Variants in SNTG2 observed in about 807,000 individuals in gnomAD.
SNTG2 encodes gamma-2-syntrophin.
Under a neutral mutation model 70.9 loss-of-function variants are expected in SNTG2, and 74 were observed. The ratio of observed to expected loss-of-function variants is 1.04; its 90% CI spans 0.86 to 1.27. The LOEUF (loss-of-function observed/expected upper bound fraction) is 1.27. Ranked by LOEUF, SNTG2 falls within the 50% of genes most tolerant of loss-of-function variation. The probability of loss-of-function intolerance (pLI) is 0.00; values close to 1 mark genes in which losing one functional copy is unlikely to be tolerated. For missense variants in SNTG2, 717 were observed against 690.7 expected, an observed-to-expected ratio of 1.04 and a Z score of -0.43; for synonymous variants, 278 against 273.8, an observed-to-expected ratio of 1.02 and a Z score of -0.15.
chr2:1,295,868 C>T (rs1319172254), intron 14 of SNTG2, among the ~76,000 whole-genome samples: 6 of 148,218 alleles, frequency 4.0e-5, no homozygotes, highest in East Asian at 4.0e-4. Context: ...AGCAGGCAGA[C>T]GTCACCATCA....
At chr2:962,718 T>C (rs1436715896) in intron 1 of SNTG2, among the ~76,000 whole-genome samples, 1 of 152,224 alleles carries the variant, frequency 6.6e-6, no homozygotes, top group Non-Finnish European at 1.5e-5. Context: ...CTCATGATGT[T>C]AAGTAATGAA....
At position 1,259,378 on chromosome 2, in the gene SNTG2, A is replaced by T; in HGVS notation, c.1014A>T (p.Thr338=). ...FYVFSTPPVS[T]FDWVRAERTY... The stretch of plus-strand genomic sequence containing the variant: ...TTCTCTGTTTCTTGCAGGTGAGCAC[A>T]TTCGATTGGGTGCGAGCAGAAAGGA... The change falls in exon 13 of 17, where the codon ACA becomes ACT. Residue 338 remains threonine (T), a synonymous_variant. Transcript: ENST00000308624. 6.2e-7 allele frequency: 1 copy of T among 1,613,974 alleles called. No individual in the cohort carries two copies. The highest frequency in any genetic ancestry group is 8.5e-7 in the Non-Finnish European group (1 of 1,179,862).
intron 9 of SNTG2, among the ~76,000 whole-genome samples, chr2:1,211,815 G>T (rs1558536697): frequency 6.6e-6 from 1 of 152,122 alleles, no homozygotes; most frequent in Non-Finnish European, 1.5e-5. Context: ...TGAGATTTGG[G>T]CAAGAGTACA....
At chr2:1,022,505 G>C (rs1660245620) in intron 1 of SNTG2, among the ~76,000 whole-genome samples, 1 of 151,812 alleles carries the variant, frequency 6.6e-6, no homozygotes, top group Admixed American at 6.6e-5. Flanking sequence ...GAGTTCCCGA[G>C]TCCCTGAGTT....
chr2:1,080,921 A>T (rs1374441655), intron 1 of SNTG2, among the ~76,000 whole-genome samples: 1 of 152,056 alleles, frequency 6.6e-6, no homozygotes, highest in Admixed American at 6.6e-5. Context: ...ATTCTGCAGG[A>T]ATCATTACCG....
chr2:1,121,226 A>G (rs1667354176), intron 4 of SNTG2, among the ~76,000 whole-genome samples: 1 of 152,102 alleles, frequency 6.6e-6, no homozygotes, highest in African/African-American at 2.4e-5. Context: ...CAGAAATACA[A>G]CCTACCAGAA....
intron 1 of SNTG2, among the ~76,000 whole-genome samples, chr2:1,055,333 G>A (rs1662323846): frequency 2.6e-5 from 4 of 152,332 alleles, no homozygotes; most frequent in Admixed American, 2.6e-4. Flanking sequence ...TTGTGTAGGT[G>A]ACTTTTTCCA....
rs28615822 is a variant in SNTG2 at position 1,193,877 on chromosome 2, T to A, written c.592-15226T>A. 8.6e-3 allele frequency among the ~76,000 whole-genome samples: 1,304 copies of A among 152,342 alleles called. 14 individuals are homozygous for A. The highest frequency in any genetic ancestry group is 0.029 in the African/African-American group (1,198 of 41,578). On this transcript the variant is annotated intron_variant, in intron 8 of 16. Transcript: ENST00000308624. ...ACAAAACAAAACAACTTCTCACTGT[T>A]ATTAAGACCTTGATTTGTAGTTGGT... is the stretch of plus-strand genomic sequence containing the variant.
chr2:1,043,861 T>G (rs1038555764), intron 1 of SNTG2, among the ~76,000 whole-genome samples: 24 of 152,240 alleles, frequency 1.6e-4, no homozygotes, highest in African/African-American at 5.8e-4. Context: ...CCCCCAGGTT[T>G]GTTCTTTTTG....
intron 2 of SNTG2, among the ~76,000 whole-genome samples, chr2:1,090,770 G>A (rs1664967944): frequency 6.6e-6 from 1 of 152,162 alleles, no homozygotes. Flanking sequence ...CTGTGCACAT[G>A]TTCACTTGAG....
intron 11 of SNTG2, among the ~76,000 whole-genome samples, chr2:1,240,356 C>A (rs573918739): frequency 2.0e-5 from 3 of 152,286 alleles, no homozygotes; most frequent in African/African-American, 7.2e-5. Context: ...TCACTTCCCA[C>A]GTCTATGAGT....
chr2:999,520 A>G (rs1188654432), intron 1 of SNTG2, among the ~76,000 whole-genome samples: 1 of 152,102 alleles, frequency 6.6e-6, no homozygotes, highest in African/African-American at 2.4e-5. Flanking sequence ...AACAGGCTTT[A>G]AATATACAAC....
chr2:1,091,797 T>A (rs1665047811), intron 2 of SNTG2, among the ~76,000 whole-genome samples: 1 of 152,246 alleles, frequency 6.6e-6, no homozygotes, highest in Non-Finnish European at 1.5e-5. Context: ...ATCCTTCTAA[T>A]AAGGATTTAA....
At chr2:1,201,408 G>T (rs964352910) in intron 8 of SNTG2, among the ~76,000 whole-genome samples, 4 of 151,698 alleles carry the variant, frequency 2.6e-5, no homozygotes, top group African/African-American at 9.7e-5. Flanking sequence ...GTGGGGGGAG[G>T]TGAAGAGAAG....
intron 1 of SNTG2, among the ~76,000 whole-genome samples, chr2:1,035,066 A>C (rs1333035776): frequency 6.6e-6 from 1 of 152,254 alleles, no homozygotes. Flanking sequence ...AACATCACTC[A>C]AAGCCATGCA....
At chr2:1,259,071 A>T (rs1335424587) in intron 12 of SNTG2, among the ~76,000 whole-genome samples, 2 of 152,226 alleles carry the variant, frequency 1.3e-5, no homozygotes, top group African/African-American at 4.8e-5. Context: ...GCCCAATTGC[A>T]TGTGATAGAC....
At chr2:1,354,116 G>A (rs1055508948) in intron 16 of SNTG2, among the ~76,000 whole-genome samples, 27 of 152,162 alleles carry the variant, frequency 1.8e-4, no homozygotes, top group South Asian at 4.1e-4. Flanking sequence ...TAAAATCATT[G>A]TTTCAGCCAC....
intron 4 of SNTG2, chr2:1,102,406 A>AT (rs1439751170): frequency 3.0e-4 from 46 of 152,224 alleles, no homozygotes; most frequent in African/African-American, 1.0e-3. Flanking sequence ...CCCTTCTGGG[A>AT]TTTTGGTGAA....
intron 16 of SNTG2, among the ~76,000 whole-genome samples, chr2:1,323,188 C>G (rs562025425): frequency 6.6e-6 from 1 of 152,326 alleles, no homozygotes; most frequent in South Asian, 2.1e-4. Flanking sequence ...TGGGTAGGGT[C>G]TGTCTCTCTG....
Sources: allele counts gnomAD v4.1 joint callset (sites outside exome capture counted in the v4.1 genomes callset), GRCh38; gene constraint gnomAD v4.1.1; transcripts MANE v1.5; gene names NCBI Gene and HGNC (gene_info 2026-07-23, HGNC 2026-07-21).